The following NDST4 variants were observed in gnomAD, a reference collection of about 807,000 sequenced individuals.
NDST4 encodes N-deacetylase and N-sulfotransferase 4, also known as N-heparan sulfate sulfotransferase 4.
Under a neutral mutation model 100.8 loss-of-function variants are expected in NDST4, and 63 were observed. The observed-to-expected ratio is 0.62, with a 90% confidence interval of 0.51 to 0.77. NDST4 has a LOEUF of 0.77. NDST4 is among the 30% of genes least tolerant of loss of function. NDST4 has a pLI of 0.00. For missense variants in NDST4, 943 were observed against 1,018.4 expected (o/e 0.93, Z 1.01); for synonymous variants, 377 against 361.8 (o/e 1.04, Z -0.48).
intron 1 of NDST4, among the ~76,000 whole-genome samples, chr4:115,098,578 G>C (rs1729666176): frequency 1.3e-5 from 2 of 152,132 alleles, no homozygotes; most frequent in Admixed American, 6.6e-5. Flanking sequence ...CAAACTTCAA[G>C]ATTCAAGGTT....
chr4:115,033,806 A>G (rs1382327208), intron 2 of NDST4, among the ~76,000 whole-genome samples: 1 of 152,072 alleles, frequency 6.6e-6, no homozygotes, highest in Non-Finnish European at 1.5e-5. Flanking sequence ...CTGTAATAAA[A>G]AACATACTTC....
chr4:115,031,131 G>A (rs902147446), intron 2 of NDST4, among the ~76,000 whole-genome samples: 1 of 151,934 alleles, frequency 6.6e-6, no homozygotes, highest in African/African-American at 2.4e-5. Context: ...TGATTTGATC[G>A]CCTATCTGAT....
At chr4:115,077,529 C>T (rs1323751714) in intron 1 of NDST4, among the ~76,000 whole-genome samples, 1 of 151,962 alleles carries the variant, frequency 6.6e-6, no homozygotes, top group African/African-American at 2.4e-5. Context: ...TATATAGAAA[C>T]ATGTATTGAG....
At chr4:115,087,489 T>C (rs1162581379) in intron 1 of NDST4, among the ~76,000 whole-genome samples, 1 of 152,008 alleles carries the variant, frequency 6.6e-6, no homozygotes, top group Non-Finnish European at 1.5e-5. Flanking sequence ...TTCCCCTTCT[T>C]CTCTAGAATT....
chr4:115,094,813 A>G (rs1046555081), intron 1 of NDST4, among the ~76,000 whole-genome samples: 22 of 152,244 alleles, frequency 1.4e-4, no homozygotes, highest in Admixed American at 6.5e-4. Flanking sequence ...AAGCCAGAAG[A>G]GAGATCTGGA....
At chr4:114,921,056 A>G (rs188391610) in intron 6 of NDST4, among the ~76,000 whole-genome samples, 57 of 152,312 alleles carry the variant, frequency 3.7e-4, no homozygotes, top group African/African-American at 1.3e-3. Context: ...CTTCTGCCAC[A>G]GTCAGTGTTG....
At chr4:114,997,309 A>T (rs753167882) in intron 2 of NDST4, among the ~76,000 whole-genome samples, 9 of 152,046 alleles carry the variant, frequency 5.9e-5, no homozygotes, top group Non-Finnish European at 1.3e-4. Context: ...TTTTCTTTCT[A>T]CTTCTCCTAG....
intron 2 of NDST4, among the ~76,000 whole-genome samples, chr4:114,992,418 C>T (rs1280228120): frequency 6.6e-6 from 1 of 151,798 alleles, no homozygotes; most frequent in Non-Finnish European, 1.5e-5. Context: ...GCATTTATTA[C>T]AATTTATGAA....
intron 4 of NDST4, among the ~76,000 whole-genome samples, chr4:114,945,099 C>T (rs1473857042): frequency 2.7e-5 from 4 of 148,772 alleles, no homozygotes; most frequent in Non-Finnish European, 5.9e-5. Context: ...ATCCCAGCTA[C>T]TTGGTAGGCT....
At chr4:115,097,241 C>G (rs1183791586) in intron 1 of NDST4, among the ~76,000 whole-genome samples, 1 of 152,050 alleles carries the variant, frequency 6.6e-6, no homozygotes, top group African/African-American at 2.4e-5. Flanking sequence ...AAATCTATTA[C>G]CAACTCCTGT....
At chr4:114,961,785 T>G (rs557886446) in intron 4 of NDST4, among the ~76,000 whole-genome samples, 1 of 152,184 alleles carries the variant, frequency 6.6e-6, no homozygotes, top group African/African-American at 2.4e-5. Context: ...GTGACTTCTC[T>G]TCCCTTTATA....
chr4:114,838,759 A>G (rs1578335685), intron 11 of NDST4, among the ~76,000 whole-genome samples: 1 of 151,890 alleles, frequency 6.6e-6, no homozygotes, highest in Middle Eastern at 3.4e-3. Context: ...TGGCACATGT[A>G]TACTTATGTA....
chr4:115,032,472 G>C (rs938426779), intron 2 of NDST4, among the ~76,000 whole-genome samples: 7 of 151,886 alleles, frequency 4.6e-5, no homozygotes, highest in Non-Finnish European at 8.8e-5. Context: ...GAAGCTTCAG[G>C]GTAAAAGCTA....
intron 1 of NDST4, among the ~76,000 whole-genome samples, chr4:115,109,682 CTAAT>C (rs1205730573): frequency 3.3e-5 from 5 of 151,810 alleles, no homozygotes; most frequent in South Asian, 2.1e-4. Flanking sequence ...AAAATTTCAA[CTAAT>C]TAAACATAAC....
chr4:114,980,314 A>C (rs1167447721), intron 2 of NDST4, among the ~76,000 whole-genome samples: 2 of 152,154 alleles, frequency 1.3e-5, no homozygotes, highest in Non-Finnish European at 2.9e-5. Context: ...TTCTACCTGA[A>C]TATTTCGTGC....
intron 11 of NDST4, among the ~76,000 whole-genome samples, chr4:114,838,766 T>A (rs188178447): frequency 1.3e-5 from 2 of 151,096 alleles, no homozygotes; most frequent in Admixed American, 6.6e-5. Context: ...TGTATACTTA[T>A]GTAACAAACC....
intron 6 of NDST4, among the ~76,000 whole-genome samples, chr4:114,890,698 T>G (rs1724574361): frequency 6.6e-6 from 1 of 152,084 alleles, no homozygotes. Context: ...AATAGAACAG[T>G]GTACTCAAGG....
chr4:115,083,897 T>G (rs1729353016), intron 1 of NDST4, among the ~76,000 whole-genome samples: 1 of 152,102 alleles, frequency 6.6e-6, no homozygotes, highest in Non-Finnish European at 1.5e-5. Context: ...CAGTATCAGG[T>G]GTTTCTTCAT....
At chr4:114,899,542 T>TA (rs1724790641) in intron 6 of NDST4, among the ~76,000 whole-genome samples, 1 of 151,672 alleles carries the variant, frequency 6.6e-6, no homozygotes, top group Non-Finnish European at 1.5e-5. Context: ...TTTTTTTTTT[T>TA]AATCATGAAT....
Sources: gnomAD v4.1 joint callset for allele counts (sites outside exome capture counted in the v4.1 genomes callset) on GRCh38, gnomAD v4.1.1 for gene constraint, MANE v1.5 for transcripts, NCBI Gene and HGNC (gene_info 2026-07-23, HGNC 2026-07-21) for gene names.